CHN2: variants seen among roughly 807,000 people sequenced by gnomAD.
CHN2 encodes the protein beta-chimaerin.
Under a neutral mutation model 56.3 loss-of-function variants are expected in CHN2, and 35 were observed. The observed-to-expected ratio is 0.62, with a 90% CI of 0.47 to 0.82. The LOEUF (loss-of-function observed/expected upper bound fraction) is 0.82, where lower values mean the gene tolerates loss of function less well. Ranked by LOEUF, CHN2 falls within the 40% of genes least tolerant of loss-of-function variation. CHN2 has a pLI of 0.00. For missense variants in CHN2, 491 were observed against 580.5 expected (o/e 0.85, Z 1.58); for synonymous variants, 210 against 212.8 (o/e 0.99, Z 0.12).
intron 1 of CHN2, among the ~76,000 whole-genome samples, chr7:29,243,813 C>T (rs866098340): frequency 6.6e-6 from 1 of 152,164 alleles, no homozygotes; most frequent in African/African-American, 2.4e-5. Flanking sequence ...ATGTTGAATA[C>T]GTAATTTAAA....
At chr7:29,218,512 A>T (rs1785510978) in intron 1 of CHN2, among the ~76,000 whole-genome samples, 1 of 152,172 alleles carries the variant, frequency 6.6e-6, no homozygotes, top group Non-Finnish European at 1.5e-5. Flanking sequence ...ACGTATGTTT[A>T]TAGCGGCACT....
intron 5 of CHN2, chr7:29,400,196 C>T (rs1032019487): frequency 3.3e-6 from 1 of 298,716 alleles, no homozygotes; most frequent in African/African-American, 2.2e-5. Context: ...CCCTCTGACC[C>T]TTACAAATGA....
At position 29,502,741 on chromosome 7, in the gene CHN2, AT is replaced by A. The variant is rs997639176; in HGVS notation, c.914-1992del. Among the ~76,000 whole-genome samples the A allele has an allele frequency of 2.5e-4, 36 of 146,592 alleles. No individual in the cohort carries two copies. The East Asian group carries it at 5.9e-3, about 24-fold the overall frequency. Reference sequence around the variant, plus strand: ...ACTTGGCATATTATATAAGGCATAGATTTTTTTTTTTAAAAGTGACGGGATA... The same window carrying A: ...ACTTGGCATATTATATAAGGCATAGATTTTTTTTTTAAAAGTGACGGGATA... On this transcript the variant is annotated intron_variant, in intron 9 of 12. Coordinates refer to ENST00000222792, the MANE Select transcript of CHN2 (RefSeq NM_004067.4).
chr7:29,389,528 G>A (rs1801193782), intron 3 of CHN2, among the ~76,000 whole-genome samples: 2 of 152,072 alleles, frequency 1.3e-5, no homozygotes, highest in South Asian at 4.1e-4. Flanking sequence ...TCTTCAACAA[G>A]CATCTTGAAG....
chr7:29,284,982 G>C (rs1792030994), intron 1 of CHN2, among the ~76,000 whole-genome samples: 1 of 152,176 alleles, frequency 6.6e-6, no homozygotes, highest in Non-Finnish European at 1.5e-5. Context: ...ATCTAGCCCA[G>C]TTGTTTAATC....
intron 7 of CHN2, among the ~76,000 whole-genome samples, chr7:29,489,964 T>A (rs951378075): frequency 6.6e-6 from 1 of 152,226 alleles, no homozygotes; most frequent in Non-Finnish European, 1.5e-5. Flanking sequence ...TTTGTCAATA[T>A]GCATTCTGTC....
intron 6 of CHN2, among the ~76,000 whole-genome samples, chr7:29,461,286 C>A (rs849936): frequency 0.067 from 10,229 of 152,130 alleles, 773 homozygotes; most frequent in African/African-American, 0.19. Context: ...CCATGTAGAA[C>A]TTAGGGTGAA....
At chr7:29,149,550 G>A (rs1793296817) in intron 2 of CHN2, among the ~76,000 whole-genome samples, 1 of 152,172 alleles carries the variant, frequency 6.6e-6, no homozygotes, top group Non-Finnish European at 1.5e-5. Context: ...GTACAGAACA[G>A]AATAGAACCA....
In CHN2 at chr7:29,303,078, G is replaced by A. The variant is rs147716841; in HGVS notation, c.50-51547G>A. Among the ~76,000 whole-genome samples the A allele has an allele frequency of 7.2e-5, 11 of 152,282 alleles. No individual in the cohort carries two copies. The East Asian group carries it at 2.1e-3, about 29-fold the overall frequency. ...TCTGACTCAGTACCTCACATCAGGG[G>A]CAACAGGCTGTCTATGCCTTGCCAT... On this transcript the variant is annotated intron_variant, in intron 1 of 12. Transcript: ENST00000222792.
chr7:29,272,328 C>T (rs1430450711), intron 1 of CHN2, among the ~76,000 whole-genome samples: 1 of 152,182 alleles, frequency 6.6e-6, no homozygotes, highest in Non-Finnish European at 1.5e-5. Context: ...GTTCTCATTG[C>T]ACTGGACTAT....
At chr7:29,275,941 A>G (rs1791165897) in intron 1 of CHN2, among the ~76,000 whole-genome samples, 1 of 152,046 alleles carries the variant, frequency 6.6e-6, no homozygotes, top group Non-Finnish European at 1.5e-5. Context: ...AAGATGTGAT[A>G]CCTGTTGGGT....
At position 29,340,055 on chromosome 7, in the gene CHN2, A is replaced by G. The variant is rs771635392; in HGVS notation, c.50-14570A>G. On this transcript the variant is annotated intron_variant, in intron 1 of 12. Coordinates refer to ENST00000222792, the MANE Select transcript of CHN2 (RefSeq NM_004067.4). Reference sequence around the variant, plus strand: ...GGGACTTTACAATTTTTTTTCTTTCAAAAGATCAAGGAACAAGCAAGCATG... The same window carrying G: ...GGGACTTTACAATTTTTTTTCTTTCGAAAGATCAAGGAACAAGCAAGCATG... Among the ~76,000 whole-genome samples, 77 of 152,070 alleles carry G rather than the reference A, an allele frequency of 5.1e-4. 1 individual carries two copies. The highest frequency in any genetic ancestry group is 1.4e-3 in the Admixed American group (22 of 15,262).
At chr7:29,371,027 A>G (rs1799566120) in intron 3 of CHN2, among the ~76,000 whole-genome samples, 1 of 152,234 alleles carries the variant, frequency 6.6e-6, no homozygotes, top group Non-Finnish European at 1.5e-5. Flanking sequence ...ATAAGCATCT[A>G]CTTTGCAGGG....
chr7:29,507,297 T>A lies in CHN2; in HGVS notation c.1061T>A (p.Leu354Gln). 6.2e-7 allele frequency: 1 copy of A among 1,613,548 alleles called. No individual in the cohort carries two copies. Among genetic ancestry groups the A allele is most frequent in the African/African-American group, 1.3e-5 (1 of 75,022 alleles). Residue 354 changes from leucine to glutamine, a missense_variant, in exon 11 of 13, where the codon CTG becomes CAG. Coordinates refer to ENST00000222792, the MANE Select transcript of CHN2 (RefSeq NM_004067.4). ...AACATCATCACTGGAGCCCTTAAACTGTATTTCAGAGACTTACCCATCCCT... is the reference window on the plus strand; with the variant it reads ...AACATCATCACTGGAGCCCTTAAACAGTATTTCAGAGACTTACCCATCCCT... ...DINIITGALK[L>Q]YFRDLPIPVI...
chr7:29,427,660 T>TG (rs1393383648), intron 6 of CHN2, among the ~76,000 whole-genome samples: 1 of 147,234 alleles, frequency 6.8e-6, no homozygotes, highest in African/African-American at 2.5e-5. Context: ...TTTATTCTTT[T>TG]TTTTTTTTTT....
At chr7:29,227,955 A>C (rs1786340291) in intron 1 of CHN2, among the ~76,000 whole-genome samples, 1 of 152,094 alleles carries the variant, frequency 6.6e-6, no homozygotes, top group Non-Finnish European at 1.5e-5. Flanking sequence ...ATCTTCCTTC[A>C]TTCATGGATG....
chr7:29,329,531 A>G (rs4722900), intron 1 of CHN2, among the ~76,000 whole-genome samples: 138,364 of 152,114 alleles, frequency 0.91, 63,148 homozygotes, highest in East Asian at 1. Flanking sequence ...TGTTTGCAGC[A>G]TTTCTGAAAT....
intron 1 of CHN2, among the ~76,000 whole-genome samples, chr7:29,224,986 C>T (rs1786081528): frequency 6.6e-6 from 1 of 152,124 alleles, no homozygotes; most frequent in Non-Finnish European, 1.5e-5. Flanking sequence ...GAGAATTTAT[C>T]TGGGCTTTGG....
intron 6 of CHN2, among the ~76,000 whole-genome samples, chr7:29,444,066 G>T (rs1251558667): frequency 6.6e-6 from 1 of 152,160 alleles, no homozygotes; most frequent in African/African-American, 2.4e-5. Flanking sequence ...TTAGAATTGT[G>T]AAAGAAATTA....
Sources: allele counts gnomAD v4.1 joint callset (sites outside exome capture counted in the v4.1 genomes callset), GRCh38; gene constraint gnomAD v4.1.1; transcripts MANE v1.5; gene names NCBI Gene and HGNC (gene_info 2026-07-23, HGNC 2026-07-21).